LRIG1: variants seen among roughly 807,000 people sequenced by gnomAD.
LRIG1 encodes the protein leucine-rich repeats and immunoglobulin-like domains protein 1.
A neutral mutation model predicts 99.2 loss-of-function variants in LRIG1; 48 were observed. The ratio of observed to expected loss-of-function variants is 0.48; its 90% CI spans 0.38 to 0.62. LRIG1 has a LOEUF of 0.62. Ranked by LOEUF, LRIG1 falls within the 20% of genes least tolerant of loss-of-function variation. The pLI, the probability that LRIG1 is intolerant of heterozygous loss-of-function variation, is 0.00. For synonymous variants in LRIG1, 772 were observed against 596.1 expected (o/e 1.29, Z -4.30); for missense variants, 1,646 against 1,434.4 (o/e 1.15, Z -2.38).
At chr3:66,439,561 CTT>C (rs35942325) in intron 3 of LRIG1, among the ~76,000 whole-genome samples, 2 of 141,650 alleles carry the variant, frequency 1.4e-5, no homozygotes, top group African/African-American at 2.6e-5. Context: ...CATCTATTTA[CTT>C]TTTTTTTTTT....
chr3:66,429,840 T>A (rs1703103730), intron 3 of LRIG1, among the ~76,000 whole-genome samples: 1 of 139,860 alleles, frequency 7.2e-6, no homozygotes, highest in Non-Finnish European at 1.5e-5. Context: ...GGCGGGGGCA[T>A]ATGGGAACTC....
At chr3:66,382,449 G>GCAGA (rs1189192503) in intron 15 of LRIG1, 51 bp from the exon 16 acceptor site, 2 of 1,607,380 alleles carry the variant, frequency 1.2e-6, no homozygotes, top group Non-Finnish European at 1.7e-6. Context: ...GACAAGAAAT[G>GCAGA]CAGACACACG....
chr3:66,482,377 C>T (rs1254117240), intron 1 of LRIG1, among the ~76,000 whole-genome samples: 1 of 152,174 alleles, frequency 6.6e-6, no homozygotes, highest in Non-Finnish European at 1.5e-5. Flanking sequence ...CTGGGCTGAG[C>T]ATCAACAAAG....
At chr3:66,484,132 A>C (rs955055343) in intron 1 of LRIG1, among the ~76,000 whole-genome samples, 1 of 152,170 alleles carries the variant, frequency 6.6e-6, no homozygotes, top group Non-Finnish European at 1.5e-5. Context: ...GAGGGTGGTG[A>C]GGGGTATAGG....
chr3:66,379,807 GCCTTCCAT>G lies in LRIG1; in HGVS notation c.*448_*455del, dbSNP rs914988111. On this transcript the variant is annotated 3_prime_UTR_variant, in exon 19 of 19. Transcript: ENST00000273261. Reference sequence around the variant, plus strand: ...CTATGAAGTGCAATATAAATCCAAGGCCTTCCATCCTTCCCACCCCGCACCAAAAACTC... The same window carrying G: ...CTATGAAGTGCAATATAAATCCAAGGCCTTCCCACCCCGCACCAAAAACTC... 1.2e-5 allele frequency: 2 copies of G among 162,766 alleles called. No homozygotes were observed. The highest frequency in any genetic ancestry group is 4.8e-5 in the African/African-American group (2 of 41,426). 10.1% of individuals were successfully genotyped at this position (162,766 alleles called of 1,614,324 possible). A position where few individuals can be genotyped will look rare whatever the true frequency, so the allele number is the denominator to read the frequency against.
At chr3:66,498,351 T>C (rs545129515) in intron 1 of LRIG1, 28 of 152,258 alleles carry the variant, frequency 1.8e-4, no homozygotes, top group African/African-American at 5.8e-4. Flanking sequence ...AAATAACCAG[T>C]ATGTTTTGCT....
chr3:66,449,087 T>C (rs960100318), intron 3 of LRIG1, among the ~76,000 whole-genome samples: 2 of 152,168 alleles, frequency 1.3e-5, no homozygotes, highest in African/African-American at 4.8e-5. Context: ...ATGAGGAAGG[T>C]GGTTCTTTGG....
At chr3:66,458,958 A>G (rs1375567534) in intron 2 of LRIG1, among the ~76,000 whole-genome samples, 3 of 150,596 alleles carry the variant, frequency 2.0e-5, no homozygotes, top group Non-Finnish European at 3.0e-5. Flanking sequence ...CGGAGGTTGC[A>G]GTGACCCAAG....
intron 3 of LRIG1, among the ~76,000 whole-genome samples, chr3:66,443,550 A>G (rs561773489): frequency 6.6e-6 from 1 of 152,204 alleles, no homozygotes; most frequent in East Asian, 1.9e-4. Flanking sequence ...AGCCTCAGCT[A>G]AAATGTCACT....
intron 7 of LRIG1, among the ~76,000 whole-genome samples, chr3:66,407,911 C>T (rs1041339880): frequency 2.6e-5 from 4 of 152,218 alleles, no homozygotes; most frequent in East Asian, 1.9e-4. Context: ...AGCCAGGGAG[C>T]CCCAGTCACA....
intron 4 of LRIG1, among the ~76,000 whole-genome samples, chr3:66,415,840 G>T (rs1702601261): frequency 6.6e-6 from 1 of 152,226 alleles, no homozygotes; most frequent in Admixed American, 6.5e-5. Context: ...CCTGTGAGAA[G>T]TGGTTTCCAA....
chr3:66,494,021 G>C (rs1231083742), intron 1 of LRIG1, among the ~76,000 whole-genome samples: 3 of 151,474 alleles, frequency 2.0e-5, no homozygotes, highest in Non-Finnish European at 2.9e-5. Context: ...GGAGGGAAGG[G>C]GAAGGGAAGA....
rs115061223 is a variant in LRIG1 at position 66,407,881 on chromosome 3, C to T, written c.936-390G>A. Reference sequence around the variant, plus strand: ...TCTCTCATAGCAGAAGCCTGGGATTCTGGAGATGACCCCGCAGCAAGCCAG... The same window carrying T: ...TCTCTCATAGCAGAAGCCTGGGATTTTGGAGATGACCCCGCAGCAAGCCAG... On this transcript the variant is annotated intron_variant, in intron 7 of 18. Transcript: ENST00000273261. Among the ~76,000 whole-genome samples, 808 of 152,330 alleles carry T rather than the reference C, an allele frequency of 5.3e-3. 11 individuals carry two copies. Among genetic ancestry groups the T allele is most frequent in the African/African-American group, 0.014 (599 of 41,576 alleles).
rs1432576954 is a variant in LRIG1, at chr3:66,500,278, C to G, written c.130G>C (p.Ala44Pro). ...AAGPRAPCAA[A>P]CTCAGDSLDC... ...AGCGAGTCCCCAGCGCAAGTGCAGGCGGCCGCGCAGGGCGCCCGCGGGCCG... is the reference window on the plus strand; with the variant it reads ...AGCGAGTCCCCAGCGCAAGTGCAGGGGGCCGCGCAGGGCGCCCGCGGGCCG... The change falls in exon 1 of 19, where the codon GCC becomes CCC. Residue 44 changes from alanine to proline, a missense_variant. Ala to Pro is a conservative substitution (Grantham distance 27, BLOSUM62 -1). Coordinates refer to ENST00000273261, the MANE Select transcript of LRIG1 (RefSeq NM_015541.3). 2.7e-6 allele frequency: 4 copies of G among 1,486,556 alleles called. No individual in the cohort carries two copies. Among genetic ancestry groups the G allele is most frequent in the South Asian group, 1.3e-5 (1 of 78,896 alleles). 92.1% of individuals were successfully genotyped at this position (1,486,556 alleles called of 1,614,324 possible).
chr3:66,418,346 G>C (rs774605818), intron 3 of LRIG1, among the ~76,000 whole-genome samples: 1 of 152,166 alleles, frequency 6.6e-6, no homozygotes. Context: ...ACCCGCCTTG[G>C]CCTCCCAAAA....
At chr3:66,396,859 C>T (rs981658470) in intron 11 of LRIG1, among the ~76,000 whole-genome samples, 2 of 152,220 alleles carry the variant, frequency 1.3e-5, no homozygotes, top group Non-Finnish European at 2.9e-5. Context: ...TGTTTCATTC[C>T]ACTTGCTTTA....
intron 1 of LRIG1, among the ~76,000 whole-genome samples, chr3:66,483,918 A>T (rs1700908780): frequency 1.3e-5 from 2 of 152,258 alleles, no homozygotes; most frequent in Admixed American, 1.3e-4. Flanking sequence ...ATGTGGGGAC[A>T]GTTCACATGC....
chr3:66,458,632 G>A lies in LRIG1; in HGVS notation c.290+3806C>T, dbSNP rs149658825. Among the ~76,000 whole-genome samples the A allele has an allele frequency of 3.2e-3, 480 of 152,262 alleles. 2 individuals carry two copies. Among genetic ancestry groups the A allele is most frequent in the African/African-American group, 0.01 (429 of 41,546 alleles). On this transcript the variant is annotated intron_variant, in intron 2 of 18. Transcript: ENST00000273261. ...CATGAGAATCACTTGAACCCAGGAG[G>A]TGGAGGCTGCAATGAGCTGAGGTCA...
intron 6 of LRIG1, among the ~76,000 whole-genome samples, chr3:66,412,287 G>A (rs577315277): frequency 1.3e-5 from 2 of 152,312 alleles, no homozygotes; most frequent in South Asian, 2.1e-4. Context: ...ACCCAGAAGG[G>A]GAGAGAAGGA....
Sources: allele counts gnomAD v4.1 joint callset (sites outside exome capture counted in the v4.1 genomes callset), GRCh38; gene constraint gnomAD v4.1.1; transcripts MANE v1.5; gene names NCBI Gene and HGNC (gene_info 2026-07-23, HGNC 2026-07-21).